Variants in ERBB4 observed in about 807,000 individuals in gnomAD.
ERBB4 encodes receptor tyrosine-protein kinase erbB-4.
Under a neutral mutation model 158.0 loss-of-function variants are expected in ERBB4, and 42 were observed. The observed-to-expected ratio is 0.27, with a 90% CI of 0.21 to 0.34. The LOEUF is 0.34. Among genes scored for constraint, ERBB4 ranks in the 10% least tolerant of loss-of-function variants. ERBB4 has a pLI of 1.00. For synonymous variants in ERBB4, 583 were observed against 558.7 expected (o/e 1.04, Z -0.61); for missense variants, 1,333 against 1,624.1 (o/e 0.82, Z 3.08).
chr2:211,791,728 A>G (rs752396656), intron 3 of ERBB4, among the ~76,000 whole-genome samples: 5 of 151,862 alleles, frequency 3.3e-5, no homozygotes, highest in Non-Finnish European at 7.4e-5. Flanking sequence ...GTCTCTTTTT[A>G]ATAAATGTCA....
In ERBB4 at chr2:211,534,577, G is replaced by A. The variant is rs1482358578; in HGVS notation, c.2487+27326C>T. Among the ~76,000 whole-genome samples, 7 of 151,988 alleles carry A rather than the reference G, an allele frequency of 4.6e-5. No homozygotes were observed. The East Asian group carries it at 5.8e-4, about 13-fold the overall frequency. ...GACATTTGTTACACTATCTTTAGTG[G>A]TCTTTTTGCCATAGCCATAAGGGAT... On this transcript the variant is annotated intron_variant, in intron 20 of 27. Coordinates refer to ENST00000342788, the MANE Select transcript of ERBB4 (RefSeq NM_005235.3).
intron 1 of ERBB4, among the ~76,000 whole-genome samples, chr2:212,139,167 A>G (rs2080364591): frequency 6.6e-6 from 1 of 152,102 alleles, no homozygotes; most frequent in Non-Finnish European, 1.5e-5. Flanking sequence ...CAACCTTTTA[A>G]TGGAATTCAC....
At chr2:212,304,178 G>A (rs2086724972) in intron 1 of ERBB4, among the ~76,000 whole-genome samples, 1 of 151,450 alleles carries the variant, frequency 6.6e-6, no homozygotes, top group South Asian at 2.1e-4. Context: ...AGAAGAATGT[G>A]GAAGAAGAAA....
At chr2:212,002,380 G>T (rs1180417316) in intron 2 of ERBB4, among the ~76,000 whole-genome samples, 1 of 152,120 alleles carries the variant, frequency 6.6e-6, no homozygotes, top group Non-Finnish European at 1.5e-5. Context: ...AATTTCTTCA[G>T]GGAGATTAAT....
intron 9 of ERBB4, 110 bp downstream of exon 9, chr2:211,711,940 G>T: frequency 1.1e-6 from 1 of 908,656 alleles, no homozygotes; most frequent in Non-Finnish European, 1.8e-6. Context: ...GAGCATTAAT[G>T]AAAGGTGAAA....
chr2:212,410,708 T>C (rs1355097449), intron 1 of ERBB4, among the ~76,000 whole-genome samples: 1 of 152,032 alleles, frequency 6.6e-6, no homozygotes, highest in Non-Finnish European at 1.5e-5. Context: ...GAAATATAAA[T>C]ATGTATTATA....
chr2:212,437,584 C>T (rs1432571914), intron 1 of ERBB4, among the ~76,000 whole-genome samples: 12 of 151,728 alleles, frequency 7.9e-5, no homozygotes, highest in African/African-American at 2.9e-4. Flanking sequence ...CCTCCCCTTC[C>T]CACTAAAAGC....
intron 1 of ERBB4, among the ~76,000 whole-genome samples, chr2:212,278,648 T>C (rs1363918375): frequency 1.3e-5 from 2 of 151,656 alleles, no homozygotes; most frequent in African/African-American, 4.8e-5. Flanking sequence ...CAAAAAATAA[T>C]CTTAATGGTC....
intron 3 of ERBB4, among the ~76,000 whole-genome samples, chr2:211,937,828 T>A (rs529713167): frequency 6.6e-6 from 1 of 152,236 alleles, no homozygotes; most frequent in South Asian, 2.1e-4. Context: ...CAAGATGAGA[T>A]TTTGGTGGGA....
At chr2:212,444,159 C>G (rs950605955) in intron 1 of ERBB4, among the ~76,000 whole-genome samples, 1 of 152,134 alleles carries the variant, frequency 6.6e-6, no homozygotes, top group East Asian at 1.9e-4. Context: ...TCCCTATGAT[C>G]AGTTGACAGA....
At chr2:212,307,976 C>A (rs969835371) in intron 1 of ERBB4, among the ~76,000 whole-genome samples, 1 of 150,564 alleles carries the variant, frequency 6.6e-6, no homozygotes, top group African/African-American at 2.4e-5. Context: ...TGCATTATAA[C>A]CAAGAGACAA....
chr2:211,563,649 T>G (rs1462795466), intron 19 of ERBB4, among the ~76,000 whole-genome samples: 2 of 152,094 alleles, frequency 1.3e-5, no homozygotes, highest in Non-Finnish European at 2.9e-5. Context: ...TATTTGAGAG[T>G]GGTAATGGTA....
intron 3 of ERBB4, among the ~76,000 whole-genome samples, chr2:211,924,549 A>C (rs1384544207): frequency 6.6e-6 from 1 of 152,206 alleles, no homozygotes; most frequent in Non-Finnish European, 1.5e-5. Flanking sequence ...AGAGTGTTAG[A>C]TACACGTCAA....
At chr2:211,411,489 A>C (rs1283421719) in intron 25 of ERBB4, among the ~76,000 whole-genome samples, 1 of 152,232 alleles carries the variant, frequency 6.6e-6, no homozygotes, top group Non-Finnish European at 1.5e-5. Flanking sequence ...TCAAATCTAT[A>C]ATACATAAGG....
chr2:211,664,742 A>G lies in ERBB4; in HGVS notation c.1871+581T>C, dbSNP rs1382373309. Among the ~76,000 whole-genome samples the G allele has an allele frequency of 2.0e-5, 3 of 152,210 alleles. No homozygotes were observed. In the East Asian group the frequency reaches 5.8e-4, roughly 29 times the overall value. ...AGCTTCAGATTGCCCTATATCAGTC[A>G]AAGAAATTCAAGGCTAAAGGATTAC... On this transcript the variant is annotated intron_variant, in intron 15 of 27. Transcript: ENST00000342788.
chr2:211,990,931 A>T (rs1026814472), intron 2 of ERBB4, among the ~76,000 whole-genome samples: 4 of 152,038 alleles, frequency 2.6e-5, no homozygotes, highest in Admixed American at 2.6e-4. Context: ...TTATTTTCAT[A>T]ATTATACAAT....
intron 1 of ERBB4, among the ~76,000 whole-genome samples, chr2:212,131,528 G>A (rs2080107240): frequency 6.6e-6 from 1 of 152,124 alleles, no homozygotes; most frequent in South Asian, 2.1e-4. Context: ...CCATTGAATT[G>A]GAAGTGACTG....
intron 1 of ERBB4, among the ~76,000 whole-genome samples, chr2:212,359,578 C>T (rs899054156): frequency 1.1e-4 from 16 of 151,770 alleles, no homozygotes; most frequent in Non-Finnish European, 1.9e-4. Flanking sequence ...AGAGACAAGG[C>T]GCTTAAGAGT....
intron 18 of ERBB4, among the ~76,000 whole-genome samples, chr2:211,621,629 G>A (rs1559355552): frequency 6.6e-6 from 1 of 152,032 alleles, no homozygotes; most frequent in South Asian, 2.1e-4. Flanking sequence ...GAGTTATAGG[G>A]TATCCAAGGT....
Sources: allele counts gnomAD v4.1 joint callset (sites outside exome capture counted in the v4.1 genomes callset), GRCh38; gene constraint gnomAD v4.1.1; transcripts MANE v1.5; gene names NCBI Gene and HGNC (gene_info 2026-07-23, HGNC 2026-07-21).